C1orf198: variants seen among roughly 807,000 people sequenced by gnomAD.
The protein encoded by C1orf198 is uncharacterized protein C1orf198.
Under a neutral mutation model 31.4 loss-of-function variants are expected in C1orf198, and 17 were observed. That is an observed-to-expected ratio of 0.54 (90% CI 0.37 to 0.81). The LOEUF is 0.81. Ranked by LOEUF, C1orf198 falls within the 40% of genes least tolerant of loss-of-function variation. C1orf198 has a pLI of 0.00. For synonymous variants in C1orf198, 175 were observed against 193.8 expected (o/e 0.90, Z 0.81); for missense variants, 401 against 450.3 (o/e 0.89, Z 0.99).
In C1orf198 at chr1:230,839,858, A is replaced by G. The variant is rs775892753; in HGVS notation, c.978T>C (p.Asn326=). The change falls in exon 4 of 4, where the codon AAT becomes AAC. Residue 326 remains asparagine, a synonymous_variant. Transcript: ENST00000366663. ...TGTATTTTTCTAATACATTTTACCAATTGTCCAGAAAATCAAATCCCGTCT... is the reference window on the plus strand; with the variant it reads ...TGTATTTTTCTAATACATTTTACCAGTTGTCCAGAAAATCAAATCCCGTCT... ...VLKTGFDFLD[N]W 4.3e-6 allele frequency: 7 copies of G among 1,611,126 alleles called. No homozygotes were observed. The highest frequency in any genetic ancestry group is 1.3e-5 in the African/African-American group (1 of 74,784).
chr1:230,849,309 G>A (rs946384435), intron 2 of C1orf198, among the ~76,000 whole-genome samples: 4 of 152,080 alleles, frequency 2.6e-5, no homozygotes, highest in Admixed American at 1.3e-4. Flanking sequence ...GCTCATGAAG[G>A]GGAGGAACCC....
At chr1:230,855,582 T>G in intron 2 of C1orf198, 86 bp downstream of exon 2, 1 of 1,455,480 alleles carries the variant, frequency 6.9e-7, no homozygotes, top group Non-Finnish European at 9.4e-7. Flanking sequence ...GGCTGTCTTC[T>G]GAGTCCATCA....
At position 230,838,797 on chromosome 1, in the gene C1orf198, T is replaced by C. The variant is rs1166660735; in HGVS notation, c.*1055A>G. ...CTGCACCAGCTCCAAGAGATACTGC[T>C]GCTCTGACACCACGCAGGTCTCCAT... On this transcript the variant is annotated 3_prime_UTR_variant, in exon 4 of 4. Coordinates refer to ENST00000366663, the MANE Select transcript of C1orf198 (RefSeq NM_032800.3). The surrounding 1 kb of genome is among the most constrained non-coding windows in gnomAD (Gnocchi z 4.2). 3 of 152,666 alleles carry C rather than the reference T, an allele frequency of 2.0e-5. No individual in the cohort carries two copies. The highest frequency in any genetic ancestry group is 4.4e-5 in the Non-Finnish European group (3 of 68,124). The allele number at this position is 152,666 out of a possible 1,614,324, so 9.5% of individuals were successfully genotyped here.
At chr1:230,849,531 C>T (rs1029423210) in intron 2 of C1orf198, among the ~76,000 whole-genome samples, 1 of 152,224 alleles carries the variant, frequency 6.6e-6, no homozygotes, top group African/African-American at 2.4e-5. Context: ...TCCAGCCAGG[C>T]CAGGGCTGGG....
rs1670174347 is a variant in C1orf198 at position 230,868,400 on chromosome 1, G to A, written c.113C>T (p.Pro38Leu). ...GTCCTGCATGATCTTCCTGGCCATG[G>A]GGCTCAGCGACGAGAAGTAAGTGAA... Reference protein sequence around the residue: ...KRFTYFSSLSPMARKIMQDKE... With the variant: ...KRFTYFSSLSLMARKIMQDKE... The change falls in exon 1 of 4, where the codon CCC becomes CTC. Residue 38 changes from proline (P) to leucine (L), a missense_variant. Pro to Leu is a moderately conservative substitution (Grantham distance 98). Transcript: ENST00000366663. 2 of 1,596,658 alleles carry A rather than the reference G, an allele frequency of 1.3e-6. No individual in the cohort carries two copies. The highest frequency in any genetic ancestry group is 1.4e-5 in the African/African-American group (1 of 72,412).
At position 230,843,695 on chromosome 1, in the gene C1orf198, C is replaced by T; in HGVS notation, c.586G>A (p.Glu196Lys). ...EEASFWKINAERSRGEGPEAE... is the reference protein window; with the variant it reads ...EEASFWKINAKRSRGEGPEAE... ...TCAGGCCCCTCCCCTCGGGACCGCT[C>T]AGCATTGATCTTCCAGAATGACGCT... The change falls in exon 3 of 4, where the codon GAG (glutamate) becomes AAG (lysine). Residue 196 changes from glutamate (E) to lysine (K), a missense_variant. Transcript: ENST00000366663. The surrounding 1 kb of genome is among the most constrained non-coding windows in gnomAD (Gnocchi z 4.9). 6.2e-7 allele frequency: 1 copy of T among 1,614,228 alleles called. No homozygotes were observed. Among genetic ancestry groups the T allele is most frequent in the African/African-American group, 1.3e-5 (1 of 75,072 alleles).
chr1:230,846,451 T>A (rs1377977694), intron 2 of C1orf198, among the ~76,000 whole-genome samples: 1 of 152,252 alleles, frequency 6.6e-6, no homozygotes, highest in Non-Finnish European at 1.5e-5. Flanking sequence ...AGGTGCATAT[T>A]TGTCAGGGCA....
chr1:230,851,388 C>T (rs939678547), intron 2 of C1orf198, among the ~76,000 whole-genome samples: 2 of 152,162 alleles, frequency 1.3e-5, no homozygotes, highest in South Asian at 4.1e-4. Flanking sequence ...AAGAGCCCAG[C>T]CAACTTTGAA....
At chr1:230,855,910 G>C in intron 1 of C1orf198, 192 bp from the exon 2 acceptor site, 1 of 1,348,616 alleles carries the variant, frequency 7.4e-7, no homozygotes, top group Non-Finnish European at 9.5e-7. Flanking sequence ...CATCTTTCCC[G>C]CTGAGGCTGC....
Position 230,868,310 on chromosome 1 carries a change from T to C in C1orf198, c.203A>G (p.Glu68Gly). The change falls in exon 1 of 4, where the codon GAG becomes GGG. Residue 68 changes from glutamate (E) to glycine (G), a missense_variant. Coordinates refer to ENST00000366663, the MANE Select transcript of C1orf198 (RefSeq NM_032800.3). ...WARLPPAQQD[E>G]IIDRCLVGPR... Reference sequence around the variant, plus strand: ...CCCCACCAGGCACCGGTCGATGATCTCGTCCTGCTGCGCGGGCGGCAGCCG... The same window carrying C: ...CCCCACCAGGCACCGGTCGATGATCCCGTCCTGCTGCGCGGGCGGCAGCCG... The C allele has an allele frequency of 6.3e-7, 1 of 1,597,386 alleles. No homozygotes were observed. The highest frequency in any genetic ancestry group is 1.1e-5 in the South Asian group (1 of 89,616).
At chr1:230,846,963 C>T (rs1437874303) in intron 2 of C1orf198, among the ~76,000 whole-genome samples, 1 of 152,004 alleles carries the variant, frequency 6.6e-6, no homozygotes, top group African/African-American at 2.4e-5. Context: ...ATTAGCCGGG[C>T]GCGGTGGCGG....
rs376132343 is a variant in C1orf198, at chr1:230,842,961, T to A, written c.927+393A>T. ...CAACAGGCAGCTCCCCTGGCCCAAATCCAGACCAGTCCTAAAGAACAGACC... is the reference window on the plus strand; with the variant it reads ...CAACAGGCAGCTCCCCTGGCCCAAAACCAGACCAGTCCTAAAGAACAGACC... On this transcript the variant is annotated intron_variant, in intron 3 of 3. Transcript: ENST00000366663. 4.6e-5 allele frequency among the ~76,000 whole-genome samples: 7 copies of A among 151,628 alleles called. No individual in the cohort carries two copies. In the East Asian group the frequency reaches 1.2e-3, roughly 26 times the overall value.
chr1:230,856,419 T>C (rs751580897), intron 1 of C1orf198, among the ~76,000 whole-genome samples: 2 of 151,884 alleles, frequency 1.3e-5, no homozygotes, highest in Non-Finnish European at 2.9e-5. Flanking sequence ...TGACCTTGGA[T>C]CCAGTATGTT....
chr1:230,868,030 TG>T, intron 1 of C1orf198, 149 bp downstream of exon 1: 1 of 815,512 alleles, frequency 1.2e-6, no homozygotes, highest in African/African-American at 1.8e-5. Context: ...ACTTCGGCTC[TG>T]GGGCTCCCCT....
chr1:230,855,564 A>C, intron 2 of C1orf198, 104 bp downstream of exon 2: 1 of 1,232,000 alleles, frequency 8.1e-7, no homozygotes, highest in Non-Finnish European at 1.1e-6. Context: ...GCAGCCTGGC[A>C]GTCAGGGGGC....
chr1:230,851,098 T>C (rs535127473), intron 2 of C1orf198, among the ~76,000 whole-genome samples: 1 of 152,240 alleles, frequency 6.6e-6, no homozygotes, highest in Non-Finnish European at 1.5e-5. Flanking sequence ...TGCTCATAAA[T>C]GCTTATGTAT....
intron 2 of C1orf198, among the ~76,000 whole-genome samples, chr1:230,851,634 T>C (rs1244838188): frequency 1.3e-5 from 2 of 152,146 alleles, no homozygotes; most frequent in Non-Finnish European, 2.9e-5. Context: ...GTGGAAAAGA[T>C]GACAATCACG....
upstream of C1orf198, chr1:230,869,355 A>G (rs1433649262): frequency 2.0e-5 from 3 of 152,250 alleles, no homozygotes; most frequent in Non-Finnish European, 4.4e-5. Flanking sequence ...GCGACATCCC[A>G]ACAGGTAGGG....
Position 230,839,743 on chromosome 1 carries a change from G to A in C1orf198, c.*109C>T. Reference sequence around the variant, plus strand: ...GTTTCCAAATGATTAAGAAAAGAGTGTCAAGAAACCAGTAAAATACATAGG... The same window carrying A: ...GTTTCCAAATGATTAAGAAAAGAGTATCAAGAAACCAGTAAAATACATAGG... On this transcript the variant is annotated 3_prime_UTR_variant, in exon 4 of 4. Transcript: ENST00000366663. The A allele has an allele frequency of 1.5e-5, 14 of 964,282 alleles. No individual in the cohort carries two copies. The highest frequency in any genetic ancestry group is 2.0e-5 in the Non-Finnish European group (13 of 653,188). 59.7% of individuals were successfully genotyped at this position (964,282 alleles called of 1,614,324 possible). A position where few individuals can be genotyped will look rare whatever the true frequency, so the allele number is the denominator to read the frequency against.
Sources: allele counts gnomAD v4.1 joint callset (sites outside exome capture counted in the v4.1 genomes callset), GRCh38; gene constraint gnomAD v4.1.1; non-coding constraint Gnocchi (gnomAD v3.1); transcripts MANE v1.5; gene names NCBI Gene and HGNC (gene_info 2026-07-23, HGNC 2026-07-21).